Variants in EYS observed in about 807,000 individuals in gnomAD.
EYS encodes EGF-like photoreceptor maintenance factor.
A neutral mutation model predicts 282.1 loss-of-function variants in EYS; 250 were observed. That is an observed-to-expected ratio of 0.89 (90% CI 0.80 to 0.98). The LOEUF is 0.98. Ranked by LOEUF, EYS falls within the 50% of genes least tolerant of loss-of-function variation. The probability of loss-of-function intolerance (pLI) is 0.00; values close to 1 mark genes in which losing one functional copy is unlikely to be tolerated. For synonymous variants in EYS, 1,355 were observed against 1,282.9 expected, an observed-to-expected ratio of 1.06 and a Z score of -1.20; for missense variants, 4,016 against 3,709.0, an observed-to-expected ratio of 1.08 and a Z score of -2.15.
At chr6:64,664,502 G>T (rs1190749892) in intron 22 of EYS, among the ~76,000 whole-genome samples, 1 of 152,108 alleles carries the variant, frequency 6.6e-6, no homozygotes, top group Non-Finnish European at 1.5e-5. Flanking sequence ...GAGGGGAAGT[G>T]GGATATTTGG....
At chr6:65,556,164 C>T (rs755103982) in intron 2 of EYS, among the ~76,000 whole-genome samples, 2 of 152,060 alleles carry the variant, frequency 1.3e-5, no homozygotes, top group Non-Finnish European at 2.9e-5. Flanking sequence ...ATTATTGGTA[C>T]CAACCTATAA....
chr6:64,445,249 C>T (rs1240265635), intron 26 of EYS, among the ~76,000 whole-genome samples: 1 of 151,972 alleles, frequency 6.6e-6, no homozygotes, highest in Non-Finnish European at 1.5e-5. Context: ...AAATTTTAAA[C>T]AGATGAGAAT....
At chr6:64,925,920 A>G (rs989252622) in intron 15 of EYS, among the ~76,000 whole-genome samples, 1 of 152,122 alleles carries the variant, frequency 6.6e-6, no homozygotes, top group African/African-American at 2.4e-5. Context: ...TCCCTAGAAT[A>G]ACTTCCCAAT....
intron 19 of EYS, among the ~76,000 whole-genome samples, chr6:64,839,356 C>A (rs1048213222): frequency 6.6e-6 from 1 of 151,580 alleles, no homozygotes; most frequent in East Asian, 1.9e-4. Context: ...ACAAAAATAC[C>A]CAAAATTTCA....
At position 63,811,000 on chromosome 6, in the gene EYS, G is replaced by A. The variant is rs116148078; in HGVS notation, c.7229-4628C>T. On this transcript the variant is annotated intron_variant, in intron 36 of 42. Coordinates refer to ENST00000503581, the MANE Select transcript of EYS (RefSeq NM_001142800.2). ...TCTGCTGACAAGGCTGACTCTGCCC[G>A]GGTATTTCATCCACCCCTTCTCATT... 9.4e-3 allele frequency among the ~76,000 whole-genome samples: 1,436 copies of A among 152,154 alleles called. 27 individuals carry two copies. The highest frequency in any genetic ancestry group is 0.033 in the African/African-American group (1,349 of 41,498).
intron 22 of EYS, among the ~76,000 whole-genome samples, chr6:64,710,088 A>T (rs1771155931): frequency 6.6e-6 from 1 of 152,218 alleles, no homozygotes; most frequent in African/African-American, 2.4e-5. Flanking sequence ...AACCAAGAAA[A>T]TATTTTAATA....
intron 31 of EYS, among the ~76,000 whole-genome samples, chr6:64,119,569 C>T (rs1253797436): frequency 6.6e-6 from 1 of 152,136 alleles, no homozygotes; most frequent in Non-Finnish European, 1.5e-5. Flanking sequence ...TTTATCAATT[C>T]AGTTGTGTTT....
intron 30 of EYS, among the ~76,000 whole-genome samples, chr6:64,256,514 T>C (rs1767406268): frequency 6.6e-6 from 1 of 152,050 alleles, no homozygotes; most frequent in East Asian, 1.9e-4. Flanking sequence ...TTGGCTACTA[T>C]TGTCTTTCAA....
At chr6:64,094,826 G>A (rs1772525682) in intron 31 of EYS, among the ~76,000 whole-genome samples, 1 of 152,090 alleles carries the variant, frequency 6.6e-6, no homozygotes, top group Non-Finnish European at 1.5e-5. Flanking sequence ...TGCTTCTCTA[G>A]TTCTTGTAAT....
At chr6:64,309,023 GT>G (rs1769568649) in intron 29 of EYS, among the ~76,000 whole-genome samples, 1 of 151,804 alleles carries the variant, frequency 6.6e-6, no homozygotes, top group African/African-American at 2.4e-5. Flanking sequence ...TAAAAATAAA[GT>G]TTATGACTAT....
chr6:64,291,300 T>A (rs947293555), intron 30 of EYS, among the ~76,000 whole-genome samples: 3 of 152,058 alleles, frequency 2.0e-5, no homozygotes, highest in African/African-American at 7.2e-5. Flanking sequence ...AAATGAACAA[T>A]CTTTTTATTG....
rs1400233826 is a variant in EYS at position 64,140,004 on chromosome 6, AATAAATAG to A, written c.6425-58010_6425-58003del. ...AAATAAATAAATAAATAAATAAATA[AATAAATAG>A]GATAATGGACAAGTGCTTGGATAAA... is the stretch of plus-strand genomic sequence containing the variant. On this transcript the variant is annotated intron_variant, in intron 31 of 42. Transcript: ENST00000503581. Among the ~76,000 whole-genome samples the A allele has an allele frequency of 4.8e-3, 715 of 147,678 alleles. 4 individuals carry two copies. The highest frequency in any genetic ancestry group is 0.017 in the African/African-American group (663 of 38,334).
At position 63,771,529 on chromosome 6, in the gene EYS, CTG is replaced by C. The variant is rs981579468; in HGVS notation, c.7898+6475_7898+6476del. ...GAAGTTGATTGTAGCTTTTAGGCAT[CTG>C]TGATATGGAATACACAGTATGGGTG... On this transcript the variant is annotated intron_variant, in intron 40 of 42. Coordinates refer to ENST00000503581, the MANE Select transcript of EYS (RefSeq NM_001142800.2). Among the ~76,000 whole-genome samples, 45 of 152,276 alleles carry C rather than the reference CTG, an allele frequency of 3.0e-4. 1 individual carries two copies. The highest frequency in any genetic ancestry group is 1.5e-3 in the East Asian group (8 of 5,184).
intron 15 of EYS, among the ~76,000 whole-genome samples, chr6:64,939,338 A>G (rs1769013676): frequency 6.6e-6 from 1 of 151,896 alleles, no homozygotes; most frequent in Non-Finnish European, 1.5e-5. Flanking sequence ...GAATGATGAA[A>G]TGACTAAGAG....
At chr6:65,108,208 T>A (rs1194319730) in intron 12 of EYS, among the ~76,000 whole-genome samples, 1 of 152,178 alleles carries the variant, frequency 6.6e-6, no homozygotes, top group Non-Finnish European at 1.5e-5. Flanking sequence ...GATAAATGCC[T>A]TTAGCTTAGT....
chr6:65,082,986 G>A (rs776557494), intron 12 of EYS, among the ~76,000 whole-genome samples: 20 of 151,858 alleles, frequency 1.3e-4, no homozygotes, highest in Non-Finnish European at 2.4e-4. Flanking sequence ...ATTGATAGGC[G>A]AAATACTATA....
chr6:65,664,920 A>G (rs560122749), intron 1 of EYS, among the ~76,000 whole-genome samples: 66 of 152,242 alleles, frequency 4.3e-4, no homozygotes, highest in African/African-American at 1.6e-3. Context: ...CCAGTAGATA[A>G]CAAAAGGTCT....
intron 1 of EYS, among the ~76,000 whole-genome samples, chr6:65,675,486 A>G (rs1768552592): frequency 6.6e-6 from 1 of 151,936 alleles, no homozygotes; most frequent in Non-Finnish European, 1.5e-5. Context: ...GTATCAGACA[A>G]AATATAATTT....
chr6:65,031,937 T>A (rs1328200234), intron 13 of EYS, among the ~76,000 whole-genome samples: 1 of 151,850 alleles, frequency 6.6e-6, no homozygotes, highest in Admixed American at 6.6e-5. Context: ...AAACCCAAAA[T>A]TGGTTTCTTG....
Sources: gnomAD v4.1 joint callset for allele counts (sites outside exome capture counted in the v4.1 genomes callset) on GRCh38, gnomAD v4.1.1 for gene constraint, MANE v1.5 for transcripts, NCBI Gene and HGNC (gene_info 2026-07-23, HGNC 2026-07-21) for gene names.